Variants in RASSF3 observed in about 807,000 individuals in gnomAD.
RASSF3 encodes Ras association domain family member 3.
RASSF3 carries 19 observed loss-of-function variants against 19.9 expected under a neutral mutation model. The observed-to-expected ratio is 0.96, with a 90% confidence interval of 0.67 to 1.40. The LOEUF (loss-of-function observed/expected upper bound fraction) is 1.40, where lower values mean the gene tolerates loss of function less well. RASSF3 is among the 40% of genes most tolerant of loss of function. RASSF3 has a pLI of 0.00. For synonymous variants in RASSF3, 110 were observed against 104.2 expected (o/e 1.06, Z -0.34); for missense variants, 306 against 289.8 (o/e 1.06, Z -0.41).
chr12:64,559,389 GC>G (rs1565839047), intron 2 of RASSF3, among the ~76,000 whole-genome samples: 1 of 150,304 alleles, frequency 6.7e-6, no homozygotes, highest in Admixed American at 6.7e-5. Flanking sequence ...GACTACAGGC[GC>G]CTGCCACCAA....
chr12:64,691,903 A>G (rs1356132900), intron 4 of RASSF3, among the ~76,000 whole-genome samples: 2 of 152,088 alleles, frequency 1.3e-5, no homozygotes, highest in African/African-American at 4.8e-5. Context: ...CCTCCAAAAT[A>G]CTCCAGTCCA....
At chr12:64,515,149 C>T (rs950077736) in intron 1 of RASSF3, among the ~76,000 whole-genome samples, 1 of 152,046 alleles carries the variant, frequency 6.6e-6, no homozygotes, top group Non-Finnish European at 1.5e-5. Context: ...CTCCGCCTCC[C>T]GTGTTCAAGC....
chr12:64,691,957 C>CAA, intron 4 of RASSF3, among the ~76,000 whole-genome samples: 1 of 152,176 alleles, frequency 6.6e-6, no homozygotes. Context: ...TTGCTACTAA[C>CAA]AAAAGTCTCC....
chr12:64,667,608 A>C (rs1426946936), intron 1 of RASSF3, among the ~76,000 whole-genome samples: 5 of 152,174 alleles, frequency 3.3e-5, no homozygotes, highest in Non-Finnish European at 5.9e-5. Flanking sequence ...AGAGGACCAA[A>C]TTTCATCCTC....
intron 1 of RASSF3, among the ~76,000 whole-genome samples, chr12:64,640,351 T>A (rs1385585731): frequency 6.6e-6 from 1 of 152,200 alleles, no homozygotes; most frequent in Non-Finnish European, 1.5e-5. Flanking sequence ...AACACAAAAG[T>A]GTACAGTACC....
chr12:64,633,192 A>G (rs1470016823), intron 1 of RASSF3, among the ~76,000 whole-genome samples: 1 of 152,210 alleles, frequency 6.6e-6, no homozygotes, highest in Admixed American at 6.5e-5. Context: ...AAGATGAAAC[A>G]TATGTTTTGA....
intron 2 of RASSF3, among the ~76,000 whole-genome samples, chr12:64,602,596 A>G (rs1592414181): frequency 1.3e-5 from 2 of 151,070 alleles, no homozygotes; most frequent in African/African-American, 2.5e-5. Flanking sequence ...AAAAGAAAAA[A>G]GAAAAAAAAA....
chr12:64,546,651 G>A (rs780800047), downstream of RASSF3, among the ~76,000 whole-genome samples: 1 of 152,118 alleles, frequency 6.6e-6, no homozygotes, highest in East Asian at 1.9e-4. Context: ...TTTCTTATTG[G>A]CTTTAAAGGT....
At chr12:64,629,002 A>G in intron 1 of RASSF3, among the ~76,000 whole-genome samples, 1 of 150,934 alleles carries the variant, frequency 6.6e-6, no homozygotes, top group Non-Finnish European at 1.5e-5. Context: ...TGGCGTGAAC[A>G]CAGCTCACCA....
At chr12:64,680,083 G>A (rs1402669775) in intron 1 of RASSF3, among the ~76,000 whole-genome samples, 1 of 152,058 alleles carries the variant, frequency 6.6e-6, no homozygotes, top group Non-Finnish European at 1.5e-5. Context: ...CCTGGGTTTC[G>A]TTTTCTTCTC....
At chr12:64,646,438 A>C (rs566589426) in intron 1 of RASSF3, among the ~76,000 whole-genome samples, 1 of 152,218 alleles carries the variant, frequency 6.6e-6, no homozygotes, top group African/African-American at 2.4e-5. Context: ...AGGAGAAAGG[A>C]ACTCCCAAGG....
chr12:64,642,686 G>A (rs1322771171), intron 1 of RASSF3, among the ~76,000 whole-genome samples: 2 of 125,544 alleles, frequency 1.6e-5, no homozygotes, highest in Non-Finnish European at 3.3e-5. Flanking sequence ...TTAATACAAA[G>A]TTTTGTAATA....
At chr12:64,622,131 A>G (rs903395296) in intron 1 of RASSF3, among the ~76,000 whole-genome samples, 7 of 151,890 alleles carry the variant, frequency 4.6e-5, no homozygotes, top group East Asian at 1.9e-4. Flanking sequence ...GCTCACTGCA[A>G]TCTCTGCCTC....
chr12:64,659,716 G>A (rs769237070), intron 1 of RASSF3, among the ~76,000 whole-genome samples: 38 of 152,148 alleles, frequency 2.5e-4, no homozygotes, highest in Non-Finnish European at 5.9e-5. Context: ...GGGAGGCTGA[G>A]GTGGGCAGAT....
chr12:64,525,930 G>T (rs536555009), intron 1 of RASSF3, among the ~76,000 whole-genome samples: 2 of 152,204 alleles, frequency 1.3e-5, no homozygotes, highest in East Asian at 3.9e-4. Flanking sequence ...GCTGCAAAGA[G>T]TCTCAAGTGG....
chr12:64,587,346 T>A (rs1030437447), intron 2 of RASSF3, among the ~76,000 whole-genome samples: 1 of 152,104 alleles, frequency 6.6e-6, no homozygotes, highest in African/African-American at 2.4e-5. Context: ...CGTGAGCCAC[T>A]GTGCCCGGCC....
intron 1 of RASSF3, among the ~76,000 whole-genome samples, chr12:64,671,411 T>C (rs1268914): frequency 0.29 from 43,411 of 151,952 alleles, 6,724 homozygotes; most frequent in Non-Finnish European, 0.36. Flanking sequence ...TCTATGCATG[T>C]TCACTCCTTA....
At chr12:64,608,148 G>A (rs1870226576), upstream of RASSF3, among the ~76,000 whole-genome samples, 1 of 151,994 alleles carries the variant, frequency 6.6e-6, no homozygotes, top group Admixed American at 6.6e-5. Context: ...AGGAACTCCT[G>A]AGTTCAAGTG....
At chr12:64,678,251 C>G (rs1872979356) in intron 1 of RASSF3, among the ~76,000 whole-genome samples, 1 of 152,176 alleles carries the variant, frequency 6.6e-6, no homozygotes. Flanking sequence ...AGAACCTGTT[C>G]TGTCTGTTAT....
Sources: gnomAD v4.1 joint callset for allele counts (sites outside exome capture counted in the v4.1 genomes callset) on GRCh38, gnomAD v4.1.1 for gene constraint, MANE v1.5 for transcripts, NCBI Gene and HGNC (gene_info 2026-07-23, HGNC 2026-07-21) for gene names.